Variants in RALGAPA1 observed in about 807,000 individuals in gnomAD.
The protein encoded by RALGAPA1 is ral GTPase-activating protein subunit alpha-1.
Under a neutral mutation model 269.6 loss-of-function variants are expected in RALGAPA1, and 52 were observed. That is an observed-to-expected ratio of 0.19 (90% CI 0.15 to 0.24). The LOEUF (loss-of-function observed/expected upper bound fraction) is 0.24, where lower values mean the gene tolerates loss of function less well. RALGAPA1 is among the 10% of genes least tolerant of loss of function. The pLI is 1.00. For synonymous variants in RALGAPA1, 817 were observed against 1,008.3 expected, an observed-to-expected ratio of 0.81 and a Z score of 3.60; for missense variants, 1,917 against 3,013.9, an observed-to-expected ratio of 0.64 and a Z score of 8.52.
At chr14:35,714,928 A>G (rs1429543638) in intron 16 of RALGAPA1, among the ~76,000 whole-genome samples, 1 of 152,158 alleles carries the variant, frequency 6.6e-6, no homozygotes, top group Non-Finnish European at 1.5e-5. Flanking sequence ...TCAGTCTTCC[A>G]TTGTCAGTGC....
intron 41 of RALGAPA1, among the ~76,000 whole-genome samples, chr14:35,547,032 G>A (rs1453084823): frequency 6.6e-6 from 1 of 152,058 alleles, no homozygotes; most frequent in Non-Finnish European, 1.5e-5. Flanking sequence ...AACGTATTCA[G>A]TAATACTGGC....
At chr14:35,597,614 C>A (rs960492299) in intron 36 of RALGAPA1, among the ~76,000 whole-genome samples, 3 of 152,106 alleles carry the variant, frequency 2.0e-5, no homozygotes, top group Admixed American at 2.0e-4. Flanking sequence ...AGGATACTGA[C>A]GACATTGATA....
At chr14:35,582,324 G>T (rs1262892432) in intron 37 of RALGAPA1, among the ~76,000 whole-genome samples, 6 of 152,178 alleles carry the variant, frequency 3.9e-5, no homozygotes, top group Non-Finnish European at 2.9e-5. Context: ...CAAGTTCTGG[G>T]TCTTCCAGTT....
chr14:35,614,043 C>T (rs1288303905), intron 35 of RALGAPA1, among the ~76,000 whole-genome samples: 1 of 152,052 alleles, frequency 6.6e-6, no homozygotes, highest in African/African-American at 2.4e-5. Context: ...ACTTTATATC[C>T]ACTAAGACGA....
At chr14:35,647,173 T>C (rs934448877) in intron 31 of RALGAPA1, among the ~76,000 whole-genome samples, 3 of 152,190 alleles carry the variant, frequency 2.0e-5, no homozygotes, top group Admixed American at 6.5e-5. Flanking sequence ...AAAGTTGTTT[T>C]GATGTTGAAA....
At chr14:35,716,102 A>G in intron 16 of RALGAPA1, 1 of 984,700 alleles carries the variant, frequency 1.0e-6, no homozygotes, top group Non-Finnish European at 1.2e-6. Context: ...TGTAGAAAAA[A>G]TTAAAAGATG....
intron 35 of RALGAPA1, among the ~76,000 whole-genome samples, chr14:35,612,700 C>T (rs186341103): frequency 1.3e-5 from 2 of 151,770 alleles, no homozygotes; most frequent in Non-Finnish European, 2.9e-5. Context: ...CACCACGCCC[C>T]GCTAATTTTT....
chr14:35,635,515 C>T lies in RALGAPA1; in HGVS notation c.5760G>A (p.Thr1920=), dbSNP rs775102554. 2.9e-5 allele frequency: 46 copies of T among 1,608,418 alleles called. No individual in the cohort carries two copies. The East Asian group carries it at 3.8e-4, about 13-fold the overall frequency. The change falls in exon 32 of 42, where the codon ACG becomes ACA. Residue 1920 remains threonine, a synonymous_variant. Transcript: ENST00000680220. ...TTTCTGTTTTATCGCTTTCTGCTCC[C>T]GTAGCATGAAATGGTTGGAGCAGTG... ...LKTLLQPFHA[T]GAESDKTEKS...
At chr14:35,568,297 T>A (rs1050749617) in intron 39 of RALGAPA1, among the ~76,000 whole-genome samples, 1 of 152,104 alleles carries the variant, frequency 6.6e-6, no homozygotes, top group Non-Finnish European at 1.5e-5. Flanking sequence ...AGATTAGAAA[T>A]GTTCAATTAA....
chr14:35,699,215 C>G (rs2067140387), intron 17 of RALGAPA1, among the ~76,000 whole-genome samples: 2 of 152,220 alleles, frequency 1.3e-5, no homozygotes, highest in South Asian at 4.1e-4. Flanking sequence ...TGAGCTAGCA[C>G]AGTATGCACA....
chr14:35,750,744 G>GAAA (rs770193252), intron 8 of RALGAPA1, 54 bp from the exon 9 acceptor site: 7 of 1,401,748 alleles, frequency 5.0e-6, no homozygotes, highest in Non-Finnish European at 6.9e-6. Flanking sequence ...ATTATGTTTA[G>GAAA]AAAAAACCTA....
chr14:35,582,158 G>A (rs1300471461), intron 37 of RALGAPA1, among the ~76,000 whole-genome samples: 1 of 152,284 alleles, frequency 6.6e-6, no homozygotes, highest in Non-Finnish European at 1.5e-5. Flanking sequence ...CTTATTCGAG[G>A]TTCCTAGAAC....
chr14:35,669,320 T>C (rs1259519917), intron 26 of RALGAPA1, among the ~76,000 whole-genome samples: 2 of 152,170 alleles, frequency 1.3e-5, no homozygotes, highest in Non-Finnish European at 2.9e-5. Flanking sequence ...AATGGTGCGA[T>C]CTCGGCTCAC....
At chr14:35,756,204 A>G (rs887390720) in intron 7 of RALGAPA1, 6 of 152,224 alleles carry the variant, frequency 3.9e-5, no homozygotes, top group South Asian at 2.1e-4. Context: ...AAGAGTCTAC[A>G]AAATTGTCCC....
intron 13 of RALGAPA1, among the ~76,000 whole-genome samples, chr14:35,725,863 C>T (rs1241023764): frequency 2.6e-5 from 4 of 152,140 alleles, no homozygotes; most frequent in Non-Finnish European, 5.9e-5. Flanking sequence ...CCACTCTTTT[C>T]ATTATGCAGT....
At chr14:35,657,140 C>T (rs2063224329) in intron 28 of RALGAPA1, among the ~76,000 whole-genome samples, 1 of 152,012 alleles carries the variant, frequency 6.6e-6, no homozygotes, top group Admixed American at 6.5e-5. Context: ...GCTCAACTCT[C>T]TGCTCCTGTG....
intron 25 of RALGAPA1, 37 bp from the exon 26 acceptor site, chr14:35,671,554 T>C: frequency 8.4e-7 from 1 of 1,187,476 alleles, no homozygotes; most frequent in Non-Finnish European, 1.2e-6. Context: ...GAATATCACA[T>C]ATGTAATCTT....
intron 4 of RALGAPA1, among the ~76,000 whole-genome samples, chr14:35,770,735 G>A (rs2074548050): frequency 6.6e-6 from 1 of 151,950 alleles, no homozygotes; most frequent in Non-Finnish European, 1.5e-5. Context: ...AGGAAGCAGT[G>A]GATCCAAAAA....
At chr14:35,637,845 T>G (rs540940504) in intron 31 of RALGAPA1, among the ~76,000 whole-genome samples, 34 of 152,150 alleles carry the variant, frequency 2.2e-4, no homozygotes, top group Admixed American at 5.9e-4. Flanking sequence ...TAACATACAA[T>G]GGAGCTCCAA....
Sources: allele counts gnomAD v4.1 joint callset (sites outside exome capture counted in the v4.1 genomes callset), GRCh38; gene constraint gnomAD v4.1.1; transcripts MANE v1.5; gene names NCBI Gene and HGNC (gene_info 2026-07-23, HGNC 2026-07-21).